The following ANKRD6 variants were observed in gnomAD, a reference collection of about 807,000 sequenced individuals.
ANKRD6 encodes ankyrin repeat domain-containing protein 6.
ANKRD6 carries 56 observed loss-of-function variants against 82.3 expected under a neutral mutation model. The observed-to-expected ratio is 0.68, with a 90% confidence interval of 0.55 to 0.85. The LOEUF (loss-of-function observed/expected upper bound fraction) is 0.85. ANKRD6 is among the 40% of genes least tolerant of loss of function. The pLI is 0.00. For synonymous variants in ANKRD6, 347 were observed against 352.1 expected (o/e 0.99, Z 0.16); for missense variants, 852 against 907.6 (o/e 0.94, Z 0.79).
chr6:89,499,560 TG>T (rs1343712354), intron 1 of ANKRD6, among the ~76,000 whole-genome samples: 1 of 152,056 alleles, frequency 6.6e-6, no homozygotes, highest in Non-Finnish European at 1.5e-5. Context: ...GTCGCAGTGC[TG>T]GGGGGAGGGT....
At chr6:89,484,511 C>T (rs1582855678) in intron 1 of ANKRD6, among the ~76,000 whole-genome samples, 2 of 152,192 alleles carry the variant, frequency 1.3e-5, no homozygotes, top group African/African-American at 4.8e-5. Flanking sequence ...ATAGGACTCA[C>T]TTCCTTAACT....
At chr6:89,580,658 G>A (rs984531482) in intron 2 of ANKRD6, among the ~76,000 whole-genome samples, 4 of 152,022 alleles carry the variant, frequency 2.6e-5, no homozygotes, top group African/African-American at 4.8e-5. Flanking sequence ...TCACTTCCAC[G>A]AGGGATTTGC....
chr6:89,466,061 G>A lies in ANKRD6; in HGVS notation c.-144+32686G>A, dbSNP rs76981779. Among the ~76,000 whole-genome samples the A allele has an allele frequency of 8.2e-3, 1,240 of 152,106 alleles. 21 individuals carry two copies. The highest frequency in any genetic ancestry group is 0.028 in the African/African-American group (1,155 of 41,526). ...TACCCATAGGTAACCACTATTTCTT[G>A]TATATTTTTTTGTATACACAGTGGA... On this transcript the variant is annotated intron_variant, in intron 1 of 15. Transcript: ENST00000339746.
chr6:89,557,566 A>G (rs1404884931), intron 1 of ANKRD6, among the ~76,000 whole-genome samples: 1 of 152,188 alleles, frequency 6.6e-6, no homozygotes, highest in Admixed American at 6.5e-5. Context: ...AATTACGTCA[A>G]TGTAAAACCA....
At chr6:89,539,480 A>G (rs1264360911) in intron 1 of ANKRD6, among the ~76,000 whole-genome samples, 2 of 152,158 alleles carry the variant, frequency 1.3e-5, no homozygotes, top group Non-Finnish European at 2.9e-5. Flanking sequence ...CAGTATGTAT[A>G]TAAGCATTTA....
rs777497020 is a variant in ANKRD6, at chr6:89,630,575, C to T, written c.1755C>T (p.Gly585=). Residue 585 remains glycine, a synonymous_variant, in exon 16 of 16, where the codon GGC becomes GGT. Transcript: ENST00000339746. ...QQELSSSDCT[G]SRLRNVKVQT... is the part of the protein sequence containing the mutation. ...AGCTGTCGTCTTCTGACTGTACAGG[C>T]TCCCGACTGAGAAACGTCAAGGTCC... is the stretch of plus-strand genomic sequence containing the variant. The T allele has an allele frequency of 6.2e-7, 1 of 1,613,918 alleles. No homozygotes were observed. Among genetic ancestry groups the T allele is most frequent in the Non-Finnish European group, 8.5e-7 (1 of 1,179,830 alleles).
chr6:89,608,603 G>T (rs923630289), intron 5 of ANKRD6, among the ~76,000 whole-genome samples: 3 of 151,892 alleles, frequency 2.0e-5, no homozygotes, highest in Non-Finnish European at 4.4e-5. Context: ...GGGAGCAAGA[G>T]AACCCACCTC....
intron 1 of ANKRD6, among the ~76,000 whole-genome samples, chr6:89,532,865 C>G (rs953338933): frequency 1.3e-5 from 2 of 150,772 alleles, no homozygotes; most frequent in Non-Finnish European, 2.9e-5. Flanking sequence ...CCATGTCCAG[C>G]TGATTTTTTG....
rs1231363066 is a variant in ANKRD6, at chr6:89,632,442, AG to A, written c.*1441del. 3 of 152,156 alleles carry A rather than the reference AG, an allele frequency of 2.0e-5. No individual in the cohort carries two copies. The highest frequency in any genetic ancestry group is 7.2e-5 in the African/African-American group (3 of 41,436). The allele number at this position is 152,156 out of a possible 1,614,324, so 9.4% of individuals were successfully genotyped here. On this transcript the variant is annotated 3_prime_UTR_variant, in exon 16 of 16. Coordinates refer to ENST00000339746, the MANE Select transcript of ANKRD6 (RefSeq NM_001242809.2). ...TTGATGTTTTTTATTTTGTTGAGAC[AG>A]GGTCTTGCTCTGTCACCCAGACTGG...
chr6:89,580,523 C>T (rs1792273357), intron 2 of ANKRD6, among the ~76,000 whole-genome samples: 1 of 152,108 alleles, frequency 6.6e-6, no homozygotes, highest in Non-Finnish European at 1.5e-5. Context: ...CGCTGGAAGT[C>T]AGTAAGTGGT....
intron 1 of ANKRD6, among the ~76,000 whole-genome samples, chr6:89,556,988 G>T (rs768653637): frequency 2.0e-5 from 3 of 152,092 alleles, no homozygotes; most frequent in Admixed American, 6.6e-5. Context: ...ATGATTTGGT[G>T]GTTTAGTGAA....
At chr6:89,573,412 C>T (rs578245470) in intron 2 of ANKRD6, among the ~76,000 whole-genome samples, 7 of 152,250 alleles carry the variant, frequency 4.6e-5, no homozygotes, top group African/African-American at 1.2e-4. Context: ...ATGAGTAAAC[C>T]TATTACATAT....
intron 1 of ANKRD6, among the ~76,000 whole-genome samples, chr6:89,519,146 GT>G (rs1260184426): frequency 6.6e-6 from 1 of 152,148 alleles, no homozygotes; most frequent in African/African-American, 2.4e-5. Flanking sequence ...GGGCTTCAGC[GT>G]ATGAATTTTG....
intron 1 of ANKRD6, among the ~76,000 whole-genome samples, chr6:89,499,664 C>T (rs1263081784): frequency 1.3e-5 from 2 of 151,984 alleles, no homozygotes; most frequent in African/African-American, 4.8e-5. Context: ...TTCACAATAC[C>T]AGTTCATAAT....
At chr6:89,524,162 T>A (rs9294439) in intron 1 of ANKRD6, among the ~76,000 whole-genome samples, 49,497 of 151,762 alleles carry the variant, frequency 0.33, 8,304 homozygotes, top group Non-Finnish European at 0.34. Context: ...TTTCTTTTTA[T>A]TTTTTTTCAG....
At chr6:89,456,245 A>G (rs1388816631) in intron 1 of ANKRD6, among the ~76,000 whole-genome samples, 2 of 152,244 alleles carry the variant, frequency 1.3e-5, no homozygotes, top group South Asian at 2.1e-4. Context: ...CACTTTTAAC[A>G]TTGTGGATTA....
chr6:89,570,130 G>C (rs1789501124), intron 2 of ANKRD6, among the ~76,000 whole-genome samples: 1 of 151,488 alleles, frequency 6.6e-6, no homozygotes, highest in East Asian at 1.9e-4. Context: ...ACCCAGGCTG[G>C]AATGCAGTGG....
intron 2 of ANKRD6, among the ~76,000 whole-genome samples, chr6:89,579,638 TC>T (rs1792009934): frequency 6.6e-6 from 1 of 150,390 alleles, no homozygotes; most frequent in Non-Finnish European, 1.5e-5. Context: ...ACGCCTGTAA[TC>T]CCAGCTACTT....
At chr6:89,486,468 TAC>T (rs2127824676) in intron 1 of ANKRD6, among the ~76,000 whole-genome samples, 1 of 152,310 alleles carries the variant, frequency 6.6e-6, no homozygotes, top group Admixed American at 6.5e-5. Flanking sequence ...ATGATTGTAT[TAC>T]ACAATTTTAC....
Sources: allele counts gnomAD v4.1 joint callset (sites outside exome capture counted in the v4.1 genomes callset), GRCh38; gene constraint gnomAD v4.1.1; transcripts MANE v1.5; gene names NCBI Gene and HGNC (gene_info 2026-07-23, HGNC 2026-07-21).